ZCCHC4: variants seen among roughly 807,000 people sequenced by gnomAD.
The protein encoded by ZCCHC4 is rRNA N(6)-adenosine-methyltransferase ZCCHC4.
ZCCHC4 carries 54 observed loss-of-function variants against 67.7 expected under a neutral mutation model. The observed-to-expected ratio is 0.80, with a 90% CI of 0.64 to 1.00. ZCCHC4 has a LOEUF of 1.00. ZCCHC4 is among the 50% of genes least tolerant of loss of function. ZCCHC4 has a pLI of 0.00. For missense variants in ZCCHC4, 609 were observed against 617.0 expected, an observed-to-expected ratio of 0.99 and a Z score of 0.14; for synonymous variants, 198 against 213.5, an observed-to-expected ratio of 0.93 and a Z score of 0.63.
At chr4:25,326,777 TG>T in intron 3 of ZCCHC4, among the ~76,000 whole-genome samples, 1 of 152,320 alleles carries the variant, frequency 6.6e-6, no homozygotes, top group East Asian at 1.9e-4. Flanking sequence ...TAGATACATT[TG>T]GGGAGAATTG....
chr4:25,330,899 G>A (rs1719147336), intron 3 of ZCCHC4, among the ~76,000 whole-genome samples: 1 of 152,152 alleles, frequency 6.6e-6, no homozygotes. Context: ...ATGCTGCTCA[G>A]TACTCAGCCG....
intron 3 of ZCCHC4, among the ~76,000 whole-genome samples, chr4:25,332,602 A>T (rs1719240205): frequency 6.6e-6 from 1 of 152,220 alleles, no homozygotes; most frequent in Admixed American, 6.5e-5. Flanking sequence ...GGAAGAAATC[A>T]AATGGGATAT....
At chr4:25,337,866 GACTT>G (rs994184859) in intron 5 of ZCCHC4, among the ~76,000 whole-genome samples, 3 of 151,938 alleles carry the variant, frequency 2.0e-5, no homozygotes, top group African/African-American at 7.3e-5. Context: ...ATTTTTAGTG[GACTT>G]ACTTACAAAC....
At chr4:25,352,203 G>A in intron 8 of ZCCHC4, 1 of 985,494 alleles carries the variant, frequency 1.0e-6, no homozygotes, top group Non-Finnish European at 1.2e-6. Context: ...GATTCCGGGA[G>A]GAAGTTACTG....
Position 25,370,128 on chromosome 4 carries a change from G to A in ZCCHC4, c.*964G>A, listed in dbSNP as rs1721090079. ...GATGTTTAGAACTACGACTTGCTCT[G>A]TCATTCCAGTGTCGTTTAACCTATG... is the stretch of plus-strand genomic sequence containing the variant. On this transcript the variant is annotated 3_prime_UTR_variant, in exon 13 of 13. Coordinates refer to ENST00000302874, the MANE Select transcript of ZCCHC4 (RefSeq NM_024936.3). 1 of 152,182 alleles carries A rather than the reference G, an allele frequency of 6.6e-6. No homozygotes were observed. The highest frequency in any genetic ancestry group is 6.5e-5 in the Admixed American group (1 of 15,280). 9.4% of individuals were successfully genotyped at this position (152,182 alleles called of 1,614,324 possible).
intron 5 of ZCCHC4, among the ~76,000 whole-genome samples, chr4:25,335,933 A>G (rs1719436591): frequency 6.6e-6 from 1 of 152,164 alleles, no homozygotes; most frequent in Non-Finnish European, 1.5e-5. Context: ...CAGCACTAGC[A>G]CACTTTACTA....
rs748923072 is a variant in ZCCHC4 at position 25,351,577 on chromosome 4, G to T, written c.911-12G>T. On this transcript the variant is annotated splice_polypyrimidine_tract_variant and intron_variant, in intron 7 of 12. Transcript: ENST00000302874. ...AATTTACTATTATTTTTTCCTTTTT[G>T]TGATCCATTAGATGACAGTCACAAA... 6 of 1,547,356 alleles carry T rather than the reference G, an allele frequency of 3.9e-6. No individual in the cohort carries two copies. The highest frequency in any genetic ancestry group is 2.8e-5 in the African/African-American group (2 of 72,078).
At chr4:25,314,723 A>G (rs947217347) in intron 2 of ZCCHC4, among the ~76,000 whole-genome samples, 6 of 152,130 alleles carry the variant, frequency 3.9e-5, no homozygotes, top group Non-Finnish European at 7.4e-5. Context: ...ATACCATCAC[A>G]TTGGGGTTAA....
At chr4:25,346,215 C>G (rs1720010316) in intron 6 of ZCCHC4, among the ~76,000 whole-genome samples, 2 of 149,832 alleles carry the variant, frequency 1.3e-5, no homozygotes, top group African/African-American at 5.0e-5. Context: ...GAACCTCAAA[C>G]TGCTCTAAAA....
chr4:25,366,596 G>A (rs1037133043), intron 12 of ZCCHC4, among the ~76,000 whole-genome samples: 1 of 152,230 alleles, frequency 6.6e-6, no homozygotes, highest in African/African-American at 2.4e-5. Context: ...GATTACAGGC[G>A]TGAGCCACCA....
At chr4:25,337,660 A>G (rs1174958355) in intron 5 of ZCCHC4, among the ~76,000 whole-genome samples, 1 of 152,180 alleles carries the variant, frequency 6.6e-6, no homozygotes, top group East Asian at 1.9e-4. Flanking sequence ...GGTGCTGGAG[A>G]GACAAAAAAC....
rs113351160 is a variant in ZCCHC4 at position 25,318,055 on chromosome 4, G to A, written c.329+2655G>A. Among the ~76,000 whole-genome samples, 304 of 152,210 alleles carry A rather than the reference G, an allele frequency of 2.0e-3. 1 individual carries two copies. The highest frequency in any genetic ancestry group is 7.0e-3 in the African/African-American group (290 of 41,546). ...TGAGAGAAAATAGAGTATTGAAGAC[G>A]GAGAAAGTAGAACCACACGGTCCGT... On this transcript the variant is annotated intron_variant, in intron 3 of 12. Transcript: ENST00000302874.
chr4:25,349,805 A>T, intron 7 of ZCCHC4, 163 bp downstream of exon 7: 2 of 681,760 alleles, frequency 2.9e-6, no homozygotes, highest in South Asian at 4.1e-5. Flanking sequence ...CATTATCATG[A>T]TATACTTTGT....
At chr4:25,349,421 C>T (rs925635165) in intron 6 of ZCCHC4, 71 bp from the exon 7 acceptor site, 1 of 1,451,754 alleles carries the variant, frequency 6.9e-7, no homozygotes. Context: ...GAGTCTAATG[C>T]ATTCTCCTCC....
At chr4:25,314,014 A>ATT in intron 1 of ZCCHC4, 32 bp from the exon 2 acceptor site, 1 of 747,954 alleles carries the variant, frequency 1.3e-6, no homozygotes, top group Non-Finnish European at 2.0e-6. Flanking sequence ...ATTACTTGAC[A>ATT]CTTTTTTTTT....
intron 3 of ZCCHC4, among the ~76,000 whole-genome samples, chr4:25,322,703 A>G (rs1718647122): frequency 6.6e-6 from 1 of 151,960 alleles, no homozygotes; most frequent in African/African-American, 2.4e-5. Flanking sequence ...TTTTTAGTAG[A>G]GATGGGGTTT....
intron 5 of ZCCHC4, among the ~76,000 whole-genome samples, chr4:25,335,433 G>A (rs1247542007): frequency 6.6e-6 from 1 of 152,150 alleles, no homozygotes; most frequent in Non-Finnish European, 1.5e-5. Flanking sequence ...GGGTGACAGA[G>A]CGGGACTCAG....
chr4:25,321,314 G>A (rs1394229168), intron 3 of ZCCHC4, among the ~76,000 whole-genome samples: 1 of 151,824 alleles, frequency 6.6e-6, no homozygotes, highest in African/African-American at 2.4e-5. Context: ...GTGCAGTGGT[G>A]CATTCATAGC....
intron 7 of ZCCHC4, among the ~76,000 whole-genome samples, chr4:25,351,046 A>C (rs1025960536): frequency 1.3e-5 from 2 of 152,242 alleles, no homozygotes; most frequent in African/African-American, 4.8e-5. Context: ...ATAGTGCTAT[A>C]ATGAATACTA....
Sources: gnomAD v4.1 joint callset for allele counts (sites outside exome capture counted in the v4.1 genomes callset) on GRCh38, gnomAD v4.1.1 for gene constraint, MANE v1.5 for transcripts, NCBI Gene and HGNC (gene_info 2026-07-23, HGNC 2026-07-21) for gene names.